AMMECR1: variants seen among roughly 807,000 people sequenced by gnomAD.
The protein encoded by AMMECR1 is nuclear protein AMMECR1.
In AMMECR1, 3 loss-of-function variants were observed where a neutral mutation model predicts 22.5. The ratio of observed to expected loss-of-function variants is 0.13; its 90% CI spans 0.06 to 0.35. The LOEUF (loss-of-function observed/expected upper bound fraction) is 0.35. Ranked by LOEUF, AMMECR1 falls within the 10% of genes least tolerant of loss-of-function variation. AMMECR1 has a pLI of 1.00. For missense variants in AMMECR1, 235 were observed against 278.7 expected (o/e 0.84, Z 1.12); for synonymous variants, 130 against 116.7 (o/e 1.11, Z -0.74).
At chrX:110,429,325 G>A (rs2148329602) in intron 1 of AMMECR1, among the ~76,000 whole-genome samples, 1 of 110,447 alleles carries the variant, frequency 9.1e-6, no homozygotes, top group East Asian at 2.8e-4. Context: ...TACAACTCCA[G>A]TCACTGAGTT....
chrX:110,199,426 C>A (rs1375927607), intron 5 of AMMECR1, among the ~76,000 whole-genome samples: 1 of 110,976 alleles, frequency 9.0e-6, no homozygotes, highest in Non-Finnish European at 1.9e-5. Flanking sequence ...ACTGTCCCCC[C>A]ACAGTGAACC....
At chrX:110,203,578 G>A (rs1235644494) in intron 3 of AMMECR1, among the ~76,000 whole-genome samples, 1 of 111,406 alleles carries the variant, frequency 9.0e-6, no homozygotes, top group Admixed American at 9.5e-5. Flanking sequence ...GTTCCCAAGT[G>A]GAGGGTCAGG....
chrX:110,270,127 C>T (rs1399504621), intron 1 of AMMECR1, among the ~76,000 whole-genome samples: 2 of 111,315 alleles, frequency 1.8e-5, no homozygotes, highest in Non-Finnish European at 3.8e-5. Context: ...TTGGATCAGG[C>T]CCCCATCTTC....
intron 1 of AMMECR1, among the ~76,000 whole-genome samples, chrX:110,267,193 G>A (rs1012449765): frequency 9.0e-6 from 1 of 110,615 alleles, no homozygotes; most frequent in Admixed American, 9.6e-5. Flanking sequence ...TAATCTTTTC[G>A]GCATATACCC....
chrX:110,318,131 G>A (rs2068062365), upstream of AMMECR1: 4 of 1,039,038 alleles, frequency 3.8e-6, no homozygotes, highest in East Asian at 1.2e-4. Flanking sequence ...GCTGGCGGCG[G>A]GGGCGAGCAC....
At chrX:110,225,044 C>T (rs759653792) in intron 2 of AMMECR1, 43 of 371,063 alleles carry the variant, frequency 1.2e-4, no homozygotes, top group East Asian at 4.5e-4. Flanking sequence ...CTGACAATGT[C>T]GTCTGTCATC....
chrX:110,412,017 G>A (rs1342344150), intron 2 of AMMECR1, among the ~76,000 whole-genome samples: 1 of 112,786 alleles, frequency 8.9e-6, no homozygotes, highest in African/African-American at 3.2e-5. Flanking sequence ...ATAATGAACA[G>A]GCAATTCACA....
At chrX:110,413,523 C>T (rs892578143) in intron 2 of AMMECR1, among the ~76,000 whole-genome samples, 1 of 105,602 alleles carries the variant, frequency 9.5e-6, no homozygotes, top group African/African-American at 3.5e-5. Flanking sequence ...AACCCCCCCC[C>T]ACCCCCACAT....
At chrX:110,379,097 T>G (rs111255886) in intron 2 of AMMECR1, among the ~76,000 whole-genome samples, 3 of 112,120 alleles carry the variant, frequency 2.7e-5, no homozygotes, top group Admixed American at 9.4e-5. Flanking sequence ...TTTAAGAACA[T>G]GCTAGCTCTT....
At chrX:110,273,793 T>C (rs888301078) in intron 1 of AMMECR1, among the ~76,000 whole-genome samples, 7 of 111,975 alleles carry the variant, frequency 6.3e-5, no homozygotes, top group Non-Finnish European at 1.3e-4. Flanking sequence ...GTTGTAGGTA[T>C]GTGGTTTTAT....
At chrX:110,260,944 G>A (rs2067737620) in intron 2 of AMMECR1, among the ~76,000 whole-genome samples, 1 of 112,010 alleles carries the variant, frequency 8.9e-6, no homozygotes, top group Non-Finnish European at 1.9e-5. Flanking sequence ...GTCACAAAAT[G>A]ACAAATATCA....
At chrX:110,254,346 TTA>T (rs1438295622) in intron 2 of AMMECR1, among the ~76,000 whole-genome samples, 1 of 111,967 alleles carries the variant, frequency 8.9e-6, no homozygotes, top group Non-Finnish European at 1.9e-5. Context: ...TTTTGCATGT[TTA>T]TTTTAAATAA....
At chrX:110,302,126 T>A (rs2067970126) in intron 1 of AMMECR1, among the ~76,000 whole-genome samples, 1 of 111,698 alleles carries the variant, frequency 9.0e-6, no homozygotes, top group Non-Finnish European at 1.9e-5. Context: ...CACAATGATC[T>A]TATGGTTTCA....
At chrX:110,227,932 T>A (rs1251078349) in intron 2 of AMMECR1, among the ~76,000 whole-genome samples, 1 of 111,848 alleles carries the variant, frequency 8.9e-6, no homozygotes, top group Non-Finnish European at 1.9e-5. Flanking sequence ...ACAAGGGGGA[T>A]CAGGAAGAAA....
At chrX:110,316,194 C>A (rs1002554847) in intron 1 of AMMECR1, among the ~76,000 whole-genome samples, 3 of 112,148 alleles carry the variant, frequency 2.7e-5, no homozygotes, top group African/African-American at 9.7e-5. Context: ...AGAAAACAAA[C>A]AGTACAAATG....
intron 2 of AMMECR1, among the ~76,000 whole-genome samples, chrX:110,236,587 T>C (rs1043152501): frequency 5.3e-5 from 6 of 112,244 alleles, no homozygotes; most frequent in African/African-American, 1.6e-4. Context: ...ATGGTGACTG[T>C]GCTCATTTTT....
intron 2 of AMMECR1, among the ~76,000 whole-genome samples, chrX:110,337,172 C>A (rs2068144646): frequency 9.0e-6 from 1 of 110,742 alleles, no homozygotes; most frequent in Admixed American, 9.6e-5. Flanking sequence ...ACCTTAGTTT[C>A]CTCATCTGCA....
At chrX:110,364,382 A>G (rs2068283521) in intron 2 of AMMECR1, among the ~76,000 whole-genome samples, 1 of 111,428 alleles carries the variant, frequency 9.0e-6, no homozygotes, top group Non-Finnish European at 1.9e-5. Context: ...GGGCGGTGAC[A>G]CAATTCAACC....
intron 2 of AMMECR1, among the ~76,000 whole-genome samples, chrX:110,356,965 A>G (rs1484994591): frequency 8.9e-6 from 1 of 111,902 alleles, no homozygotes; most frequent in Non-Finnish European, 1.9e-5. Flanking sequence ...TGAAATGAGT[A>G]GCTCAATGAA....
Sources: gnomAD v4.1 joint callset for allele counts (sites outside exome capture counted in the v4.1 genomes callset) on GRCh38, gnomAD v4.1.1 for gene constraint, MANE v1.5 for transcripts, NCBI Gene and HGNC (gene_info 2026-07-23, HGNC 2026-07-21) for gene names.